EIF2B1: variants seen among roughly 807,000 people sequenced by gnomAD.
EIF2B1 encodes translation initiation factor eIF2B subunit alpha.
EIF2B1 carries 30 observed loss-of-function variants against 36.8 expected under a neutral mutation model. That is an observed-to-expected ratio of 0.81 (90% confidence interval 0.61 to 1.10). The LOEUF is 1.10. EIF2B1 is among the 50% of genes least tolerant of loss of function. The pLI, the probability that EIF2B1 is intolerant of heterozygous loss-of-function variation, is 0.00. For missense variants in EIF2B1, 271 were observed against 374.8 expected (o/e 0.72, Z 2.29); for synonymous variants, 139 against 142.2 (o/e 0.98, Z 0.16).
At chr12:123,632,496 A>T in intron 1 of EIF2B1, 50 bp from the exon 2 acceptor site, 1 of 1,239,138 alleles carries the variant, frequency 8.1e-7, no homozygotes, top group South Asian at 1.2e-5. Context: ...GCAGCCTATA[A>T]GGCAAGAGAG....
At chr12:123,624,109 AAAT>A (rs1434063993) in intron 7 of EIF2B1, among the ~76,000 whole-genome samples, 13 of 141,982 alleles carry the variant, frequency 9.2e-5, no homozygotes, top group East Asian at 2.3e-4. Context: ...GTAAATATAT[AAAT>A]AATATTTTAA....
Position 123,627,073 on chromosome 12 carries a change from G to T in EIF2B1, c.453C>A (p.Tyr151Ter). ...ACAAATCAGGCTGTGACTCTGTGAC[G>T]TATACACTAAATCGCTTCTTGGCCG... ...AVAAKKRFSV[Y>*]VTESQPDLSG... is the part of the protein sequence containing the mutation. Residue 151 changes from tyrosine (Y) to a stop codon, truncating the protein, a stop_gained, in exon 5 of 9, where the codon TAC becomes TAA. Coordinates refer to ENST00000424014, the MANE Select transcript of EIF2B1 (RefSeq NM_001414.4). LOFTEE classifies it high-confidence loss of function. The T allele has an allele frequency of 6.2e-7, 1 of 1,614,136 alleles. No individual in the cohort carries two copies. Among genetic ancestry groups the T allele is most frequent in the Non-Finnish European group, 8.5e-7 (1 of 1,180,010 alleles).
In EIF2B1 at chr12:123,630,327, G is replaced by A. The variant is rs1385318178; in HGVS notation, c.253-42C>T. On this transcript the variant is annotated intron_variant, in intron 3 of 8. Transcript: ENST00000424014. The surrounding 1 kb of genome is among the most constrained non-coding windows in gnomAD (Gnocchi z 4.6). ...AAACTGAGGGGACAGGGAAGATCCA[G>A]TTAATGCTGAGAATGTCTGTCACTA... is the stretch of plus-strand genomic sequence containing the variant. 6.2e-7 allele frequency: 1 copy of A among 1,614,058 alleles called. No individual in the cohort carries two copies. The highest frequency in any genetic ancestry group is 8.5e-7 in the Non-Finnish European group (1 of 1,179,908).
At position 123,621,657 on chromosome 12, in the gene EIF2B1, AAC is replaced by A. The variant is rs1461068022; in HGVS notation, c.*97_*98del. ...GTCCTTACTCCATAAATCTTCATTA[AAC>A]ACATCTCAGTTTTGGCCTGACTCAC... On this transcript the variant is annotated 3_prime_UTR_variant, in exon 9 of 9. Coordinates refer to ENST00000424014, the MANE Select transcript of EIF2B1 (RefSeq NM_001414.4). 1 of 1,476,178 alleles carries A rather than the reference AAC, an allele frequency of 6.8e-7. No individual in the cohort carries two copies. Among genetic ancestry groups the A allele is most frequent in the African/African-American group, 1.4e-5 (1 of 72,018 alleles). The allele number at this position is 1,476,178 out of a possible 1,614,324, so 91.4% of individuals were successfully genotyped here. A position where few individuals can be genotyped will look rare whatever the true frequency, so the allele number is the denominator to read the frequency against.
intron 1 of EIF2B1, 60 bp downstream of exon 1, chr12:123,633,485 T>C (rs370204962): frequency 6.4e-5 from 103 of 1,612,612 alleles, no homozygotes; most frequent in Non-Finnish European, 8.7e-5. Flanking sequence ...ATGTGAGAGG[T>C]TGGGGGGACC....
Position 123,630,637 on chromosome 12 carries a change from C to G in EIF2B1, c.116-104G>C. On this transcript the variant is annotated intron_variant, in intron 2 of 8. Coordinates refer to ENST00000424014, the MANE Select transcript of EIF2B1 (RefSeq NM_001414.4). This position sits in a 1 kb window ranked among gnomAD's most constrained non-coding sequence, Gnocchi z 4.6. Reference sequence around the variant, plus strand: ...TCAGTGAATATTTACTAGGTACATACTATATACCAGGCACTATTCTAGATG... The same window carrying G: ...TCAGTGAATATTTACTAGGTACATAGTATATACCAGGCACTATTCTAGATG... The G allele has an allele frequency of 1.4e-6, 2 of 1,463,858 alleles. No individual in the cohort carries two copies. The highest frequency in any genetic ancestry group is 1.9e-6 in the Non-Finnish European group (2 of 1,062,804). 90.7% of individuals were successfully genotyped at this position (1,463,858 alleles called of 1,614,324 possible). A position where few individuals can be genotyped will look rare whatever the true frequency, so the allele number is the denominator to read the frequency against.
At chr12:123,631,120 C>A (rs1955183654) in intron 2 of EIF2B1, among the ~76,000 whole-genome samples, 1 of 152,158 alleles carries the variant, frequency 6.6e-6, no homozygotes, top group Non-Finnish European at 1.5e-5. Context: ...CAGAATCTGG[C>A]ACAAGGTGGA....
At chr12:123,629,906 C>T (rs1252647122) in intron 4 of EIF2B1, 2 of 555,740 alleles carry the variant, frequency 3.6e-6, no homozygotes, top group Non-Finnish European at 6.5e-6. Context: ...TACATTCATG[C>T]AGCACTTACT....
Position 123,621,792 on chromosome 12 carries a change from T to C in EIF2B1, c.882A>G (p.Ser294=). The stretch of plus-strand genomic sequence containing the variant: ...GCTTGATGAGCTCATCGCTGACTGC[T>C]GAGGGTGTCAGCACGCCCAGGTCTG... The part of the protein sequence containing the change: ...LFTDLGVLTP[S]AVSDELIKLY... The change falls in exon 9 of 9, where the codon TCA becomes TCG. Residue 294 remains serine, a synonymous_variant. Transcript: ENST00000424014. 1 of 1,613,938 alleles carries C rather than the reference T, an allele frequency of 6.2e-7. No homozygotes were observed. The highest frequency in any genetic ancestry group is 2.2e-5 in the East Asian group (1 of 44,888).
intron 1 of EIF2B1, among the ~76,000 whole-genome samples, chr12:123,633,339 G>A (rs760162026): frequency 6.6e-6 from 1 of 151,630 alleles, no homozygotes; most frequent in East Asian, 1.9e-4. Flanking sequence ...GTATGTGTGG[G>A]AGGGATGCCT....
chr12:123,624,207 A>G (rs1223309856), intron 7 of EIF2B1, among the ~76,000 whole-genome samples: 1 of 150,904 alleles, frequency 6.6e-6, no homozygotes, highest in Non-Finnish European at 1.5e-5. Flanking sequence ...CAAAAACCAG[A>G]CAAACCCCAA....
chr12:123,621,660 A>G lies in EIF2B1; in HGVS notation c.*96T>C, dbSNP rs975528742. On this transcript the variant is annotated 3_prime_UTR_variant, in exon 9 of 9. Coordinates refer to ENST00000424014, the MANE Select transcript of EIF2B1 (RefSeq NM_001414.4). ...CTTACTCCATAAATCTTCATTAAAC[A>G]CATCTCAGTTTTGGCCTGACTCACT... 1 of 1,484,446 alleles carries G rather than the reference A, an allele frequency of 6.7e-7. No individual in the cohort carries two copies. The highest frequency in any genetic ancestry group is 9.4e-7 in the Non-Finnish European group (1 of 1,066,866). The allele number at this position is 1,484,446 out of a possible 1,614,324, so 92.0% of individuals were successfully genotyped here. A position where few individuals can be genotyped will look rare whatever the true frequency, so the allele number is the denominator to read the frequency against.
chr12:123,633,081 A>G (rs1267961546), intron 1 of EIF2B1, among the ~76,000 whole-genome samples: 1 of 151,758 alleles, frequency 6.6e-6, no homozygotes, highest in Non-Finnish European at 1.5e-5. Context: ...CCATCTTGCC[A>G]ATTTCTCCTG....
chr12:123,624,297 C>T lies in EIF2B1; in HGVS notation c.627+490G>A, dbSNP rs528468548. Among the ~76,000 whole-genome samples, 12 of 141,562 alleles carry T rather than the reference C, an allele frequency of 8.5e-5. No individual in the cohort carries two copies. In the South Asian group the frequency reaches 1.4e-3, roughly 16 times the overall value. The allele number at this position is 141,562 out of a possible 152,430, so 92.9% of individuals were successfully genotyped here. ...TTTTACTGAGACAGGGTCTCACCAT[C>T]GCCCAGGCTGGAATGCAGTAGTGTG... On this transcript the variant is annotated intron_variant, in intron 7 of 8. Transcript: ENST00000424014.
In EIF2B1 at chr12:123,621,325, A is replaced by C; in HGVS notation, c.*431T>G. ...CAGCAAGTGTTTCTTGCCTCTTACAAGGCACCGCGTGTAACGTCCTGACCA... is the reference window on the plus strand; with the variant it reads ...CAGCAAGTGTTTCTTGCCTCTTACACGGCACCGCGTGTAACGTCCTGACCA... On this transcript the variant is annotated 3_prime_UTR_variant, in exon 9 of 9. Transcript: ENST00000424014. 3.6e-6 allele frequency: 1 copy of C among 275,464 alleles called. No individual in the cohort carries two copies. The highest frequency in any genetic ancestry group is 7.1e-6 in the Non-Finnish European group (1 of 140,028). The allele number at this position is 275,464 out of a possible 1,614,324, so 17.1% of individuals were successfully genotyped here.
At chr12:123,627,490 A>G (rs1428638914) in intron 4 of EIF2B1, among the ~76,000 whole-genome samples, 1 of 152,214 alleles carries the variant, frequency 6.6e-6, no homozygotes, top group Non-Finnish European at 1.5e-5. Flanking sequence ...ACGCAGGCCT[A>G]CAGGAACCAA....
chr12:123,626,785 C>T, intron 5 of EIF2B1: 1 of 665,524 alleles, frequency 1.5e-6, no homozygotes, highest in East Asian at 2.7e-5. Context: ...GTTACCTATT[C>T]CTTGATAAAA....
At chr12:123,624,936 A>G in intron 6 of EIF2B1, 74 bp from the exon 7 acceptor site, 3 of 1,364,158 alleles carry the variant, frequency 2.2e-6, no homozygotes, top group Non-Finnish European at 1.0e-6. Context: ...GCAAAGATCA[A>G]TATTCCATTT....
In EIF2B1 at chr12:123,624,858, T is replaced by C. The variant is rs1955136339; in HGVS notation, c.556A>G (p.Ile186Val). ...TVVLDAAVGYIMEKADLVIVG... is the reference protein window; with the variant it reads ...TVVLDAAVGYVMEKADLVIVG... Reference sequence around the variant, plus strand: ...ATGACAAGATCTGCTTTCTCCATGATGTAGCTAAGGGGAAAAAAAGCTTTT... The same window carrying C: ...ATGACAAGATCTGCTTTCTCCATGACGTAGCTAAGGGGAAAAAAAGCTTTT... Residue 186 changes from isoleucine (I) to valine (V), a missense_variant, in exon 7 of 9, where the codon ATC becomes GTC. Ile to Val is a conservative substitution (Grantham distance 29, BLOSUM62 3). Transcript: ENST00000424014. 9 of 1,613,924 alleles carry C rather than the reference T, an allele frequency of 5.6e-6. No homozygotes were observed. The East Asian group carries it at 1.1e-4, about 20-fold the overall frequency.
Sources: allele counts gnomAD v4.1 joint callset (sites outside exome capture counted in the v4.1 genomes callset), GRCh38; gene constraint gnomAD v4.1.1; non-coding constraint Gnocchi (gnomAD v3.1); transcripts MANE v1.5; gene names NCBI Gene and HGNC (gene_info 2026-07-23, HGNC 2026-07-21).